COX10: variants seen among roughly 807,000 people sequenced by gnomAD.
COX10 encodes cytochrome c oxidase assembly factor heme A:farnesyltransferase COX10, also known as protoheme IX farnesyltransferase, mitochondrial.
A neutral mutation model predicts 37.3 loss-of-function variants in COX10; 27 were observed. The ratio of observed to expected loss-of-function variants is 0.72; its 90% CI spans 0.53 to 1.00. COX10 has a LOEUF of 1.00. Ranked by LOEUF, COX10 falls within the 50% of genes least tolerant of loss-of-function variation. The probability of loss-of-function intolerance (pLI) is 0.00; values close to 1 mark genes in which losing one functional copy is unlikely to be tolerated. For missense variants in COX10, 475 were observed against 563.2 expected, an observed-to-expected ratio of 0.84 and a Z score of 1.59; for synonymous variants, 222 against 229.1, an observed-to-expected ratio of 0.97 and a Z score of 0.28.
chr17:14,099,318 G>A (rs558337898), intron 3 of COX10, among the ~76,000 whole-genome samples: 2 of 151,978 alleles, frequency 1.3e-5, no homozygotes, highest in Admixed American at 6.6e-5. Flanking sequence ...AACTACCATC[G>A]AACCCAGCCA....
At position 14,207,351 on chromosome 17, in the gene COX10, G is replaced by GTT. The variant is rs200239586; in HGVS notation, c.*151_*152dup. On this transcript the variant is annotated 3_prime_UTR_variant, in exon 7 of 7. Coordinates refer to ENST00000261643, the MANE Select transcript of COX10 (RefSeq NM_001303.4). Reference sequence around the variant, plus strand: ...TTCGGTGCTCAGTGATCACTTGACAGTTTTTTTTTTTTTTAAATATTACCC... The same window carrying GTT: ...TTCGGTGCTCAGTGATCACTTGACAGTTTTTTTTTTTTTTTTAAATATTACCC... 2,308 of 882,006 alleles carry GTT rather than the reference G, an allele frequency of 2.6e-3. No individual in the cohort carries two copies. The highest frequency in any genetic ancestry group is 3.3e-3 in the South Asian group (134 of 40,374). 54.6% of individuals were successfully genotyped at this position (882,006 alleles called of 1,614,324 possible).
rs151203979 is a variant in COX10 at position 14,073,500 on chromosome 17, A to G, written c.44-823A>G. Among the ~76,000 whole-genome samples, 17 of 152,338 alleles carry G rather than the reference A, an allele frequency of 1.1e-4. 1 individual carries two copies. Among genetic ancestry groups the G allele is most frequent in the African/African-American group, 4.1e-4 (17 of 41,594 alleles). Reference sequence around the variant, plus strand: ...AGAGATACCAAGAGAGGAGATGGAAATAGACCTGATGACTCTAGAAATGGT... The same window carrying G: ...AGAGATACCAAGAGAGGAGATGGAAGTAGACCTGATGACTCTAGAAATGGT... On this transcript the variant is annotated intron_variant, in intron 1 of 6. Transcript: ENST00000261643.
At chr17:14,079,813 A>G (rs1247494337) in intron 3 of COX10, among the ~76,000 whole-genome samples, 1 of 151,088 alleles carries the variant, frequency 6.6e-6, no homozygotes, top group East Asian at 1.9e-4. Context: ...CTATGGTTGT[A>G]CATTTTCTTC....
rs767652058 is a variant in COX10 at position 14,181,909 on chromosome 17, T to C, written c.696-10080T>C. 418 of 756,134 alleles carry C rather than the reference T, an allele frequency of 5.5e-4. 2 individuals are homozygous for C. The highest frequency in any genetic ancestry group is 6.8e-4 in the Middle Eastern group (1 of 1,466). The allele number at this position is 756,134 out of a possible 1,614,324, so 46.8% of individuals were successfully genotyped here. On this transcript the variant is annotated intron_variant, in intron 5 of 6. Coordinates refer to ENST00000261643, the MANE Select transcript of COX10 (RefSeq NM_001303.4). Reference sequence around the variant, plus strand: ...ACCCTTAATTTAAGATGAATTGGTGTAGCATAATTCAGGGGTCACCACGTA... The same window carrying C: ...ACCCTTAATTTAAGATGAATTGGTGCAGCATAATTCAGGGGTCACCACGTA...
At chr17:14,094,245 T>G (rs113417079) in intron 3 of COX10, among the ~76,000 whole-genome samples, 259 of 151,850 alleles carry the variant, frequency 1.7e-3, no homozygotes, top group South Asian at 2.7e-3. Flanking sequence ...TCCTGTACTT[T>G]ATCAGTAAAA....
At chr17:14,148,893 T>C (rs994460698) in intron 4 of COX10, among the ~76,000 whole-genome samples, 49 of 149,076 alleles carry the variant, frequency 3.3e-4, no homozygotes, top group South Asian at 4.2e-4. Flanking sequence ...TTGGATAATA[T>C]ATAATTAGAA....
At chr17:14,171,224 G>C (rs1252259514) in intron 5 of COX10, among the ~76,000 whole-genome samples, 4 of 152,206 alleles carry the variant, frequency 2.6e-5, no homozygotes, top group African/African-American at 9.6e-5. Flanking sequence ...ATGTAGAAAA[G>C]GGTGCTAGTT....
At chr17:14,125,850 T>C (rs896334774) in intron 4 of COX10, among the ~76,000 whole-genome samples, 2 of 152,214 alleles carry the variant, frequency 1.3e-5, no homozygotes, top group African/African-American at 4.8e-5. Context: ...AAGAGCTTCA[T>C]GCATAACTTG....
At chr17:14,098,005 A>G (rs1433785769) in intron 3 of COX10, among the ~76,000 whole-genome samples, 1 of 152,198 alleles carries the variant, frequency 6.6e-6, no homozygotes, top group Non-Finnish European at 1.5e-5. Flanking sequence ...TATAGATGTA[A>G]CTATTTTCTT....
intron 4 of COX10, among the ~76,000 whole-genome samples, chr17:14,159,624 A>G (rs963364857): frequency 3.3e-5 from 5 of 152,260 alleles, no homozygotes; most frequent in African/African-American, 9.6e-5. Flanking sequence ...GGCTACTTGT[A>G]TGTTTAACAG....
intron 5 of COX10, among the ~76,000 whole-genome samples, chr17:14,190,843 T>A (rs998918468): frequency 6.6e-6 from 1 of 152,114 alleles, no homozygotes; most frequent in Non-Finnish European, 1.5e-5. Flanking sequence ...ATAGGAACAC[T>A]GCAACCCTGT....
intron 3 of COX10, among the ~76,000 whole-genome samples, chr17:14,085,278 C>A (rs1475464569): frequency 6.6e-6 from 1 of 152,078 alleles, no homozygotes; most frequent in Admixed American, 6.5e-5. Context: ...TAGATAGTTT[C>A]TATTTTGTTT....
chr17:14,187,165 A>G (rs1013506030), intron 5 of COX10, among the ~76,000 whole-genome samples: 6 of 151,834 alleles, frequency 4.0e-5, no homozygotes, highest in Non-Finnish European at 7.4e-5. Flanking sequence ...GTACAGCCTG[A>G]CAGTACGTGT....
At chr17:14,109,680 T>C (rs1915971131) in intron 4 of COX10, among the ~76,000 whole-genome samples, 1 of 152,090 alleles carries the variant, frequency 6.6e-6, no homozygotes, top group Admixed American at 6.6e-5. Context: ...AGATGTCTTA[T>C]TCCAGTCACT....
At chr17:14,074,186 A>T in intron 1 of COX10, 137 bp from the exon 2 acceptor site, 1 of 884,506 alleles carries the variant, frequency 1.1e-6, no homozygotes, top group Non-Finnish European at 1.8e-6. Flanking sequence ...TCTGGATTAG[A>T]TTATTTCAAA....
At chr17:14,087,969 C>T (rs4791562) in intron 3 of COX10, among the ~76,000 whole-genome samples, 73,634 of 151,762 alleles carry the variant, frequency 0.49, 17,979 homozygotes, top group Admixed American at 0.55. Flanking sequence ...CATTTTGGCA[C>T]GACCCTCTAC....
chr17:14,206,307 G>A (rs1353357430), intron 6 of COX10, among the ~76,000 whole-genome samples: 1 of 152,128 alleles, frequency 6.6e-6, no homozygotes, highest in East Asian at 1.9e-4. Context: ...GCTTCCACCT[G>A]CCTGAAGCCA....
At chr17:14,092,930 CTAACAAAA>C (rs1437995103) in intron 3 of COX10, among the ~76,000 whole-genome samples, 2 of 152,138 alleles carry the variant, frequency 1.3e-5, no homozygotes, top group East Asian at 3.8e-4. Flanking sequence ...TTGAGATCTG[CTAACAAAA>C]GCTTAATTCC....
At chr17:14,088,321 T>G (rs1915456160) in intron 3 of COX10, among the ~76,000 whole-genome samples, 1 of 152,190 alleles carries the variant, frequency 6.6e-6, no homozygotes, top group Non-Finnish European at 1.5e-5. Context: ...TATCCTGTCT[T>G]TACCTAATTT....
Sources: allele counts gnomAD v4.1 joint callset (sites outside exome capture counted in the v4.1 genomes callset), GRCh38; gene constraint gnomAD v4.1.1; transcripts MANE v1.5; gene names NCBI Gene and HGNC (gene_info 2026-07-23, HGNC 2026-07-21).